Variants in SHANK2 observed in about 807,000 individuals in gnomAD.
SHANK2 encodes the protein SH3 and multiple ankyrin repeat domains 2, also known as SH3 and multiple ankyrin repeat domains protein 2.
A neutral mutation model predicts 133.7 loss-of-function variants in SHANK2; 43 were observed. The observed-to-expected ratio is 0.32, with a 90% CI of 0.25 to 0.41. The LOEUF (loss-of-function observed/expected upper bound fraction) is 0.41. SHANK2 is among the 10% of genes least tolerant of loss of function. The pLI is 1.00. For synonymous variants in SHANK2, 1,017 were observed against 952.8 expected, an observed-to-expected ratio of 1.07 and a Z score of -1.24; for missense variants, 1,994 against 2,235.8, an observed-to-expected ratio of 0.89 and a Z score of 2.18.
intron 9 of SHANK2, among the ~76,000 whole-genome samples, chr11:71,059,073 T>C (rs957850097): frequency 1.6e-4 from 24 of 152,130 alleles, no homozygotes; most frequent in African/African-American, 5.5e-4. Context: ...AAAACTTAGC[T>C]GGGTGCGGTG....
intron 8 of SHANK2, among the ~76,000 whole-genome samples, chr11:71,081,026 C>T (rs1184811892): frequency 6.6e-6 from 1 of 152,172 alleles, no homozygotes; most frequent in Non-Finnish European, 1.5e-5. Context: ...CCGCATGGGG[C>T]TGTATGTGAA....
At chr11:71,141,948 G>A (rs1555105893) in intron 3 of SHANK2, among the ~76,000 whole-genome samples, 1 of 150,624 alleles carries the variant, frequency 6.6e-6, no homozygotes, top group African/African-American at 2.5e-5. Flanking sequence ...AAGACGGCAT[G>A]CAAACCTCCA....
chr11:70,640,454 C>CA (rs2061163097), intron 17 of SHANK2, among the ~76,000 whole-genome samples: 1 of 152,228 alleles, frequency 6.6e-6, no homozygotes, highest in South Asian at 2.1e-4. Flanking sequence ...AGGGCCCTGC[C>CA]AGGCCCTGGA....
intron 14 of SHANK2, among the ~76,000 whole-genome samples, chr11:70,717,132 A>G (rs1945950453): frequency 6.6e-6 from 1 of 152,242 alleles, no homozygotes; most frequent in South Asian, 2.1e-4. Flanking sequence ...TCTTTGGAGA[A>G]AGGCAGGCTG....
chr11:70,629,887 G>A (rs917104506), intron 17 of SHANK2, among the ~76,000 whole-genome samples: 1 of 152,136 alleles, frequency 6.6e-6, no homozygotes, highest in Non-Finnish European at 1.5e-5. Flanking sequence ...TCCTCACTAT[G>A]AGGACCCTAA....
At chr11:70,520,387 G>A (rs1391546917) in intron 17 of SHANK2, among the ~76,000 whole-genome samples, 1 of 152,126 alleles carries the variant, frequency 6.6e-6, no homozygotes, top group Non-Finnish European at 1.5e-5. Flanking sequence ...GACAGTTTTG[G>A]CTGCTGGTCA....
chr11:71,216,081 G>C (rs1245735542), intron 2 of SHANK2, among the ~76,000 whole-genome samples: 1 of 152,154 alleles, frequency 6.6e-6, no homozygotes, highest in Non-Finnish European at 1.5e-5. Context: ...CCTCCACTGA[G>C]GGACACACGA....
At chr11:71,182,872 G>A (rs1278623873) in intron 2 of SHANK2, among the ~76,000 whole-genome samples, 3 of 152,140 alleles carry the variant, frequency 2.0e-5, no homozygotes, top group Non-Finnish European at 4.4e-5. Flanking sequence ...CTCTCCCACA[G>A]CGTGCCCCAC....
At chr11:70,846,816 T>C (rs1423987941) in intron 11 of SHANK2, among the ~76,000 whole-genome samples, 2 of 152,012 alleles carry the variant, frequency 1.3e-5, no homozygotes, top group Non-Finnish European at 2.9e-5. Flanking sequence ...CTCTGAAAAA[T>C]GGGGGCTAGA....
chr11:70,759,654 G>C lies in SHANK2; in HGVS notation c.1777+38789C>G, dbSNP rs1307219639. ...GGCTCCTGGTGGCAATAAGAGACTG[G>C]ATTGTAAGCAAGACCTAAGACTGTG... On this transcript the variant is annotated intron_variant, in intron 14 of 25. Transcript: ENST00000601538. 2.6e-5 allele frequency among the ~76,000 whole-genome samples: 4 copies of C among 152,286 alleles called. No individual in the cohort carries two copies. In the East Asian group the frequency reaches 7.7e-4, roughly 29 times the overall value.
intron 17 of SHANK2, among the ~76,000 whole-genome samples, chr11:70,656,682 A>T (rs2134242242): frequency 6.6e-6 from 1 of 152,296 alleles, no homozygotes; most frequent in Non-Finnish European, 1.5e-5. Flanking sequence ...CCCGTGGGAC[A>T]TTCACTTATC....
At chr11:71,218,317 T>G (rs1240914385) in intron 2 of SHANK2, among the ~76,000 whole-genome samples, 1 of 141,862 alleles carries the variant, frequency 7.0e-6, no homozygotes, top group Non-Finnish European at 1.5e-5. Context: ...CACGCTGGAG[T>G]GCAATGGTGC....
intron 15 of SHANK2, among the ~76,000 whole-genome samples, chr11:70,672,566 G>C (rs1285252622): frequency 6.6e-6 from 1 of 152,222 alleles, no homozygotes. Flanking sequence ...AGGTCTCCCC[G>C]AGCCAGGCTG....
rs148181032 is a variant in SHANK2, at chr11:70,805,050, G to A, written c.1663+1952C>T. On this transcript the variant is annotated intron_variant, in intron 13 of 25. Coordinates refer to ENST00000601538, the MANE Select transcript of SHANK2 (RefSeq NM_012309.5). ...TCTGCCCCTCTCGGAGCATGGGTCA[G>A]TATGCCTGAGTGAGTCCACAGATGC... 4.5e-3 allele frequency among the ~76,000 whole-genome samples: 685 copies of A among 152,336 alleles called. 8 individuals are homozygous for A. The highest frequency in any genetic ancestry group is 0.016 in the African/African-American group (654 of 41,568).
chr11:70,922,977 A>ATT (rs1218181651), intron 10 of SHANK2, among the ~76,000 whole-genome samples: 1 of 152,216 alleles, frequency 6.6e-6, no homozygotes, highest in African/African-American at 2.4e-5. Flanking sequence ...AAATCCACAC[A>ATT]TTTGTAACTT....
chr11:70,928,729 A>G (rs1289011441), intron 10 of SHANK2, among the ~76,000 whole-genome samples: 1 of 152,116 alleles, frequency 6.6e-6, no homozygotes, highest in Non-Finnish European at 1.5e-5. Context: ...CAAGCCGGCC[A>G]AGATATGAGC....
At chr11:71,250,624 G>A (rs1415383119) in intron 1 of SHANK2, among the ~76,000 whole-genome samples, 3 of 152,184 alleles carry the variant, frequency 2.0e-5, no homozygotes, top group African/African-American at 4.8e-5. Context: ...CAACCCACAA[G>A]TAGTTGGAAA....
At chr11:70,851,384 G>A (rs1555065399) in intron 11 of SHANK2, among the ~76,000 whole-genome samples, 1 of 152,224 alleles carries the variant, frequency 6.6e-6, no homozygotes. Context: ...TAAGAAGGGA[G>A]CTGTGTGATA....
chr11:71,109,455 C>G (rs1364004946), intron 6 of SHANK2, among the ~76,000 whole-genome samples: 2 of 152,246 alleles, frequency 1.3e-5, no homozygotes, highest in Non-Finnish European at 2.9e-5. Context: ...CACCAAGGGC[C>G]TGGGCCATCT....
Sources: allele counts gnomAD v4.1 joint callset (sites outside exome capture counted in the v4.1 genomes callset), GRCh38; gene constraint gnomAD v4.1.1; transcripts MANE v1.5; gene names NCBI Gene and HGNC (gene_info 2026-07-23, HGNC 2026-07-21).